MYT1L: variants seen among roughly 807,000 people sequenced by gnomAD.
The protein encoded by MYT1L is myelin transcription factor 1-like protein.
In MYT1L, 12 loss-of-function variants were observed where a neutral mutation model predicts 126.7. The ratio of observed to expected loss-of-function variants is 0.09; its 90% confidence interval spans 0.06 to 0.15. MYT1L has a LOEUF of 0.15. Ranked by LOEUF, MYT1L falls within the 10% of genes least tolerant of loss-of-function variation. The pLI, the probability that MYT1L is intolerant of heterozygous loss-of-function variation, is 1.00. For missense variants in MYT1L, 979 were observed against 1,585.2 expected (o/e 0.62, Z 6.49); for synonymous variants, 541 against 604.2 (o/e 0.90, Z 1.53).
chr2:1,914,865 CTT>C (rs1359255392), intron 11 of MYT1L, among the ~76,000 whole-genome samples: 6 of 152,222 alleles, frequency 3.9e-5, no homozygotes, highest in African/African-American at 1.2e-4. Flanking sequence ...GCCCTGATCT[CTT>C]GTGTGGACTT....
intron 8 of MYT1L, among the ~76,000 whole-genome samples, chr2:1,960,769 G>A (rs2058894919): frequency 6.6e-6 from 1 of 151,716 alleles, no homozygotes; most frequent in Non-Finnish European, 1.5e-5. Flanking sequence ...ATGTCCCTGG[G>A]GCTTCTCTCA....
chr2:2,127,574 C>T (rs768066803), intron 3 of MYT1L, among the ~76,000 whole-genome samples: 7 of 152,172 alleles, frequency 4.6e-5, no homozygotes, highest in Middle Eastern at 3.2e-3. Flanking sequence ...ACACCCCTCC[C>T]GGTAAGCAGC....
chr2:1,812,836 G>T (rs2036887980), intron 21 of MYT1L, among the ~76,000 whole-genome samples: 1 of 146,040 alleles, frequency 6.8e-6, no homozygotes, highest in East Asian at 2.1e-4. Flanking sequence ...AGATCGCACT[G>T]CTGCACTCCA....
chr2:2,220,532 G>C (rs980038649), intron 2 of MYT1L, among the ~76,000 whole-genome samples: 5 of 152,194 alleles, frequency 3.3e-5, no homozygotes, highest in Middle Eastern at 6.8e-3. Context: ...CCTTTAAAAA[G>C]GTGCTAGACT....
At chr2:2,283,073 C>T (rs562567614) in intron 2 of MYT1L, among the ~76,000 whole-genome samples, 1 of 152,010 alleles carries the variant, frequency 6.6e-6, no homozygotes, top group African/African-American at 2.4e-5. Flanking sequence ...AGACTCCATC[C>T]CCCCCAACAC....
chr2:2,148,290 T>A (rs931994442), intron 3 of MYT1L, among the ~76,000 whole-genome samples: 3 of 152,222 alleles, frequency 2.0e-5, no homozygotes, highest in South Asian at 2.1e-4. Context: ...GGTTTCGGGA[T>A]GAAACTGTTC....
intron 21 of MYT1L, among the ~76,000 whole-genome samples, chr2:1,832,666 C>T (rs1347214182): frequency 6.6e-6 from 1 of 152,184 alleles, no homozygotes. Context: ...CCGCGGCCAC[C>T]AAGGTGGTGC....
At chr2:2,016,900 A>C (rs952283191) in intron 4 of MYT1L, among the ~76,000 whole-genome samples, 1 of 152,232 alleles carries the variant, frequency 6.6e-6, no homozygotes, top group Non-Finnish European at 1.5e-5. Flanking sequence ...AAGCAGACCC[A>C]CATTTTCTTA....
At chr2:2,320,174 T>C (rs1573549145) in intron 1 of MYT1L, among the ~76,000 whole-genome samples, 2 of 151,798 alleles carry the variant, frequency 1.3e-5, no homozygotes, top group African/African-American at 4.8e-5. Context: ...CCCACTGGGG[T>C]GCAGACATAG....
At chr2:2,138,014 C>T (rs2148118477) in intron 3 of MYT1L, among the ~76,000 whole-genome samples, 1 of 152,212 alleles carries the variant, frequency 6.6e-6, no homozygotes, top group South Asian at 2.1e-4. Flanking sequence ...ACAACCCCAT[C>T]AAAAAGTGGG....
intron 9 of MYT1L, among the ~76,000 whole-genome samples, chr2:1,927,740 G>A (rs1284000311): frequency 6.6e-6 from 1 of 152,212 alleles, no homozygotes; most frequent in African/African-American, 2.4e-5. Context: ...GTCTGCAGGT[G>A]CACTCCAGTG....
At chr2:2,140,594 C>T (rs1371108359) in intron 3 of MYT1L, among the ~76,000 whole-genome samples, 4 of 152,024 alleles carry the variant, frequency 2.6e-5, no homozygotes, top group African/African-American at 9.7e-5. Flanking sequence ...GCCACCACGC[C>T]TGGCTAATTT....
rs12988270 is a variant in MYT1L at position 1,809,285 on chromosome 2, G to T, written c.3081-118C>A. The T allele has an allele frequency of 0.27, 245,716 of 918,960 alleles. 37,219 individuals carry two copies. The highest frequency in any genetic ancestry group is 0.34 in the Admixed American group (18,924 of 55,342). 56.9% of individuals were successfully genotyped at this position (918,960 alleles called of 1,614,324 possible). ...TTAGGTTGGTTGCCAGCAAAAGGCTGTCTGAAAATGAGAAAAAGCAAAAAG... is the reference window on the plus strand; with the variant it reads ...TTAGGTTGGTTGCCAGCAAAAGGCTTTCTGAAAATGAGAAAAAGCAAAAAG... On this transcript the variant is annotated intron_variant, in intron 21 of 24. Coordinates refer to ENST00000647738, the MANE Select transcript of MYT1L (RefSeq NM_001303052.2).
chr2:2,209,330 A>G (rs1318225083), intron 2 of MYT1L, among the ~76,000 whole-genome samples: 1 of 152,140 alleles, frequency 6.6e-6, no homozygotes, highest in Admixed American at 6.5e-5. Flanking sequence ...TGTGCTATCA[A>G]ATACTAAGTC....
In MYT1L at chr2:2,269,527, T is replaced by C. The variant is rs116124698; in HGVS notation, c.-421+14877A>G. On this transcript the variant is annotated intron_variant, in intron 2 of 24. Coordinates refer to ENST00000647738, the MANE Select transcript of MYT1L (RefSeq NM_001303052.2). ...GGTCATTGCTGCTAGCCTGGTTCCC[T>C]TGCTGACTCCCATCCTACTTCTGCC... is the stretch of plus-strand genomic sequence containing the variant. Among the ~76,000 whole-genome samples the C allele has an allele frequency of 2.6e-3, 394 of 152,308 alleles. 2 individuals carry two copies. The highest frequency in any genetic ancestry group is 9.2e-3 in the African/African-American group (384 of 41,568).
At chr2:2,160,736 A>T (rs987638011) in intron 3 of MYT1L, among the ~76,000 whole-genome samples, 1 of 152,182 alleles carries the variant, frequency 6.6e-6, no homozygotes, top group African/African-American at 2.4e-5. Context: ...GAACATGTTA[A>T]ATGGCACCAA....
chr2:2,020,446 A>G (rs2064918608), intron 4 of MYT1L, among the ~76,000 whole-genome samples: 1 of 152,136 alleles, frequency 6.6e-6, no homozygotes, highest in Non-Finnish European at 1.5e-5. Flanking sequence ...TCACGAACAC[A>G]TTTGCCAGTG....
Position 1,943,252 on chromosome 2 carries a change from C to T in MYT1L, c.235G>A (p.Ala79Thr). The part of the protein sequence containing the change: ...QEPAPKRKPF[A>T]VKADSSSVDE... Reference sequence around the variant, plus strand: ...ACTGAGGAGCTGTCTGCTTTCACGGCAAATGGCTTTCGTTTAGGAGCAGGT... The same window carrying T: ...ACTGAGGAGCTGTCTGCTTTCACGGTAAATGGCTTTCGTTTAGGAGCAGGT... Residue 79 changes from alanine to threonine, a missense_variant, in exon 9 of 25, where the codon GCC becomes ACC. Transcript: ENST00000647738. This position sits in a 1 kb window ranked among gnomAD's most constrained non-coding sequence, Gnocchi z 4.4. The T allele has an allele frequency of 6.4e-7, 1 of 1,556,932 alleles. No homozygotes were observed. Among genetic ancestry groups the T allele is most frequent in the South Asian group, 1.2e-5 (1 of 84,316 alleles).
In MYT1L at chr2:2,014,196, GT is replaced by G. The variant is rs542058607; in HGVS notation, c.-157-16850del. 8.3e-3 allele frequency among the ~76,000 whole-genome samples: 1,138 copies of G among 137,076 alleles called. 12 individuals carry two copies. Among genetic ancestry groups the G allele is most frequent in the African/African-American group, 0.027 (1,018 of 37,666 alleles). 89.9% of individuals were successfully genotyped at this position (137,076 alleles called of 152,430 possible). A position where few individuals can be genotyped will look rare whatever the true frequency, so the allele number is the denominator to read the frequency against. The stretch of plus-strand genomic sequence containing the variant: ...CTGCAGTGGGATATGCAGGAATCCT[GT>G]TTTTTTTTTTTTTCCTGAGCAGTCA... On this transcript the variant is annotated intron_variant, in intron 4 of 24. Transcript: ENST00000647738.
Sources: allele counts gnomAD v4.1 joint callset (sites outside exome capture counted in the v4.1 genomes callset), GRCh38; gene constraint gnomAD v4.1.1; non-coding constraint Gnocchi (gnomAD v3.1); transcripts MANE v1.5; gene names NCBI Gene and HGNC (gene_info 2026-07-23, HGNC 2026-07-21).